Variants in AGMO observed in about 807,000 individuals in gnomAD.
AGMO encodes the protein alkylglycerol monooxygenase.
Under a neutral mutation model 60.2 loss-of-function variants are expected in AGMO, and 75 were observed. The observed-to-expected ratio is 1.25, with a 90% CI of 1.03 to 1.51. AGMO has a LOEUF of 1.51. Among genes scored for constraint, AGMO ranks in the 40% most tolerant of loss-of-function variants. The pLI is 0.00. For synonymous variants in AGMO, 261 were observed against 177.1 expected (o/e 1.47, Z -3.76); for missense variants, 763 against 525.5 (o/e 1.45, Z -4.42).
At chr7:15,482,012 T>C (rs1239205225) in intron 3 of AGMO, among the ~76,000 whole-genome samples, 1 of 151,946 alleles carries the variant, frequency 6.6e-6, no homozygotes, top group Non-Finnish European at 1.5e-5. Context: ...AATTGTGGCA[T>C]GCAGATAAAG....
Position 15,492,241 on chromosome 7 carries a change from C to T in AGMO, c.409+52531G>A, listed in dbSNP as rs928050017. Among the ~76,000 whole-genome samples the T allele has an allele frequency of 2.0e-5, 3 of 151,896 alleles. No individual in the cohort carries two copies. The East Asian group carries it at 5.8e-4, about 29-fold the overall frequency. On this transcript the variant is annotated intron_variant, in intron 3 of 12. Transcript: ENST00000342526. ...GTTCAGTGGCTTTTTGTGCCACCTA[C>T]CCTATATCCAGAGTTTGTAGTTCCT...
At chr7:15,418,523 G>T (rs1396183591) in intron 5 of AGMO, 35 bp downstream of exon 5, 6 of 1,297,348 alleles carry the variant, frequency 4.6e-6, no homozygotes, top group Non-Finnish European at 6.6e-6. Flanking sequence ...AGGCTGTTTA[G>T]GTATAAAACT....
intron 12 of AGMO, among the ~76,000 whole-genome samples, chr7:15,311,280 T>C (rs1476445313): frequency 6.6e-6 from 1 of 152,188 alleles, no homozygotes; most frequent in Non-Finnish European, 1.5e-5. Flanking sequence ...AGCTACTTTT[T>C]GGCTGAGGAC....
At chr7:15,198,891 G>C (rs1054225451), downstream of AGMO, among the ~76,000 whole-genome samples, 1 of 152,188 alleles carries the variant, frequency 6.6e-6, no homozygotes, top group Admixed American at 6.5e-5. Flanking sequence ...CAACTGGGGA[G>C]AGTTCGAATC....
At chr7:15,140,062 T>C in the AGMO span, among the ~76,000 whole-genome samples, 1 of 150,784 alleles carries the variant, frequency 6.6e-6, no homozygotes, top group Non-Finnish European at 1.5e-5. Context: ...AAATTATATA[T>C]TAACTATAGG....
At chr7:15,211,086 T>G (rs79965162) in intron 12 of AGMO, among the ~76,000 whole-genome samples, 1 of 151,584 alleles carries the variant, frequency 6.6e-6, no homozygotes, top group South Asian at 2.1e-4. Context: ...GAAAAAGGAG[T>G]AAGCAAACTA....
At chr7:15,198,239 GAGAGAGAGAGAGAGAGACAGAGAC>G (rs1210983083), downstream of AGMO, among the ~76,000 whole-genome samples, 11 of 108,936 alleles carry the variant, frequency 1.0e-4, no homozygotes, top group African/African-American at 3.6e-4. Flanking sequence ...GAGAGAGAGA[GAGAGAGAGAGAGAGAGACAGAGAC>G]AGAGAGAGAG....
the AGMO span, among the ~76,000 whole-genome samples, chr7:15,177,547 G>A: frequency 1.3e-4 from 20 of 151,928 alleles, no homozygotes; most frequent in Non-Finnish European, 1.5e-5. Flanking sequence ...TCTTCTTCTG[G>A]TAGGAAAGTA....
intron 12 of AGMO, among the ~76,000 whole-genome samples, chr7:15,274,839 C>T (rs769056287): frequency 6.6e-6 from 1 of 151,806 alleles, no homozygotes; most frequent in Non-Finnish European, 1.5e-5. Flanking sequence ...AGTTTGTGCA[C>T]ATAGAGATGT....
chr7:15,439,330 A>C (rs4557593), intron 3 of AGMO, among the ~76,000 whole-genome samples: 2 of 151,996 alleles, frequency 1.3e-5, no homozygotes, highest in Non-Finnish European at 2.9e-5. Context: ...TCAGGAGGCA[A>C]AAATTGCAGT....
At chr7:15,191,218 C>T in the AGMO span, among the ~76,000 whole-genome samples, 5,578 of 152,004 alleles carry the variant, frequency 0.037, 136 homozygotes, top group Middle Eastern at 0.078. Flanking sequence ...AATTTTAGAC[C>T]ATTCAAGGAT....
At chr7:15,431,812 A>T (rs4323387) in intron 3 of AGMO, among the ~76,000 whole-genome samples, 1 of 151,432 alleles carries the variant, frequency 6.6e-6, no homozygotes, top group Non-Finnish European at 1.5e-5. Context: ...ATCAAGCACT[A>T]TACAGATTGC....
At chr7:15,379,616 C>T (rs1783597190) in intron 10 of AGMO, among the ~76,000 whole-genome samples, 1 of 151,994 alleles carries the variant, frequency 6.6e-6, no homozygotes, top group Admixed American at 6.6e-5. Flanking sequence ...AACAAATAAC[C>T]TACCAATCAA....
intron 3 of AGMO, among the ~76,000 whole-genome samples, chr7:15,516,193 A>G (rs1446667487): frequency 6.6e-6 from 1 of 152,174 alleles, no homozygotes; most frequent in East Asian, 1.9e-4. Flanking sequence ...AAACATCATA[A>G]TGTTTTAAAT....
At chr7:15,197,561 G>T (rs1225546686), downstream of AGMO, among the ~76,000 whole-genome samples, 1 of 152,186 alleles carries the variant, frequency 6.6e-6, no homozygotes, top group African/African-American at 2.4e-5. Context: ...GAGATGATAT[G>T]GAAGTAAATG....
intron 12 of AGMO, among the ~76,000 whole-genome samples, chr7:15,319,183 C>G (rs1330970183): frequency 6.6e-6 from 1 of 151,940 alleles, no homozygotes; most frequent in Non-Finnish European, 1.5e-5. Flanking sequence ...GGCAACCAAT[C>G]CCTGCAAAAA....
In AGMO at chr7:15,496,277, C is replaced by A. The variant is rs567833150; in HGVS notation, c.409+48495G>T. Among the ~76,000 whole-genome samples the A allele has an allele frequency of 2.0e-5, 3 of 152,224 alleles. No individual in the cohort carries two copies. In the East Asian group the frequency reaches 5.8e-4, roughly 29 times the overall value. ...AAGATGTGCCTGATCAGCTGCAGAA[C>A]CAGTTTTGCCACTGAATAAATGATT... On this transcript the variant is annotated intron_variant, in intron 3 of 12. Coordinates refer to ENST00000342526, the MANE Select transcript of AGMO (RefSeq NM_001004320.2).
chr7:15,505,725 A>G (rs1275128700), intron 3 of AGMO, among the ~76,000 whole-genome samples: 1 of 152,046 alleles, frequency 6.6e-6, no homozygotes, highest in Non-Finnish European at 1.5e-5. Flanking sequence ...TAATTTTAAA[A>G]TATTTTGGAT....
At chr7:15,251,297 A>T (rs1298334234) in intron 12 of AGMO, among the ~76,000 whole-genome samples, 1 of 152,180 alleles carries the variant, frequency 6.6e-6, no homozygotes, top group Non-Finnish European at 1.5e-5. Context: ...AACTTAAATC[A>T]GAGACTGAGG....
Sources: allele counts gnomAD v4.1 joint callset (sites outside exome capture counted in the v4.1 genomes callset), GRCh38; gene constraint gnomAD v4.1.1; transcripts MANE v1.5; gene names NCBI Gene and HGNC (gene_info 2026-07-23, HGNC 2026-07-21).